The following RBPJ variants were observed in gnomAD, a reference collection of about 807,000 sequenced individuals.
The protein encoded by RBPJ is recombination signal binding protein for immunoglobulin kappa J region.
RBPJ carries 9 observed loss-of-function variants against 67.8 expected under a neutral mutation model. The observed-to-expected ratio is 0.13, with a 90% confidence interval of 0.08 to 0.23. The LOEUF (loss-of-function observed/expected upper bound fraction) is 0.23, where lower values mean the gene tolerates loss of function less well. RBPJ is among the 10% of genes least tolerant of loss of function. The pLI is 1.00. For synonymous variants in RBPJ, 198 were observed against 203.3 expected, an observed-to-expected ratio of 0.97 and a Z score of 0.22; for missense variants, 305 against 595.6, an observed-to-expected ratio of 0.51 and a Z score of 5.08.
intron 3 of RBPJ, 46 bp from the exon 4 acceptor site, chr4:26,415,429 A>G (rs1204474239): frequency 3.5e-6 from 5 of 1,413,930 alleles, no homozygotes; most frequent in South Asian, 1.3e-5. Context: ...ATTGAATCTA[A>G]TTGATTTTTG....
At chr4:26,181,949 T>G (rs1328698588) in intron 1 of RBPJ, among the ~76,000 whole-genome samples, 2 of 152,194 alleles carry the variant, frequency 1.3e-5, no homozygotes, top group African/African-American at 2.4e-5. Flanking sequence ...CACTCTAACT[T>G]AGGCTACACT....
intron 3 of RBPJ, among the ~76,000 whole-genome samples, chr4:26,407,883 CTTTTTTTTT>C (rs61575988): frequency 1.6e-5 from 1 of 63,620 alleles, no homozygotes; most frequent in Non-Finnish European, 2.8e-5. Context: ...AGCTTTCTTT[CTTTTTTTTT>C]TTTTTTTTTT....
intron 1 of RBPJ, among the ~76,000 whole-genome samples, chr4:26,252,638 A>G (rs768991456): frequency 5.9e-5 from 9 of 152,200 alleles, no homozygotes. Flanking sequence ...ACTTAAATCA[A>G]TAATAAATCT....
intron 1 of RBPJ, among the ~76,000 whole-genome samples, chr4:26,243,819 G>A (rs1485825156): frequency 6.6e-6 from 1 of 152,090 alleles, no homozygotes; most frequent in East Asian, 1.9e-4. Context: ...CCTTGGCCAG[G>A]CACAGTGGAT....
rs890591667 is a variant in RBPJ at position 26,430,323 on chromosome 4, A to T, written c.1045-96A>T. The stretch of plus-strand genomic sequence containing the variant: ...AAAAACATTTTAATTGCCCTTTTTT[A>T]AAAAAAACAAATGAAAGTTGAATGA... On this transcript the variant is annotated intron_variant, in intron 9 of 10. Coordinates refer to ENST00000355476, the MANE Select transcript of RBPJ (RefSeq NM_015874.6). The surrounding 1 kb of genome is among the most constrained non-coding windows in gnomAD (Gnocchi z 4.1). 27 of 1,109,404 alleles carry T rather than the reference A, an allele frequency of 2.4e-5. No homozygotes were observed. Among genetic ancestry groups the T allele is most frequent in the African/African-American group, 1.4e-4 (9 of 62,146 alleles). The allele number at this position is 1,109,404 out of a possible 1,614,324, so 68.7% of individuals were successfully genotyped here. A position where few individuals can be genotyped will look rare whatever the true frequency, so the allele number is the denominator to read the frequency against.
intron 2 of RBPJ, 63 bp from the exon 3 acceptor site, chr4:26,406,112 A>G (rs1457641092): frequency 1.9e-6 from 2 of 1,047,762 alleles, no homozygotes; most frequent in Admixed American, 1.8e-5. Context: ...AGAGCGTAGT[A>G]ATGATGAAAG....
At chr4:26,175,165 G>C (rs1253741522) in intron 1 of RBPJ, among the ~76,000 whole-genome samples, 1 of 152,198 alleles carries the variant, frequency 6.6e-6, no homozygotes, top group Non-Finnish European at 1.5e-5. Context: ...CTTCTACAGA[G>C]CCACGCTTTC....
rs1370905902 is a variant in RBPJ at position 26,244,252 on chromosome 4, C to CGT, written c.-167+80638_-167+80639insGT. 3.5e-3 allele frequency among the ~76,000 whole-genome samples: 5 copies of CGT among 1,416 alleles called. 1 individual carries two copies. The highest frequency in any genetic ancestry group is 0.02 in the Admixed American group (3 of 150). The allele number at this position is 1,416 out of a possible 152,430, so 0.9% of individuals were successfully genotyped here. ...ATATATGTGTCTATATATGTGTACA[C>CGT]ATACACATATGTGTACACATATATG... is the stretch of plus-strand genomic sequence containing the variant. On this transcript the variant is annotated intron_variant, in intron 1 of 4. Transcript: ENST00000512351.
chr4:26,426,459 T>C lies in RBPJ; in HGVS notation c.747+1716T>C, dbSNP rs149416755. ...AATGTTGCAATGAAAAATTAACTTA[T>C]TAGAAAAAGTTGCAGTACCATTATT... On this transcript the variant is annotated intron_variant, in intron 7 of 10. Coordinates refer to ENST00000355476, the MANE Select transcript of RBPJ (RefSeq NM_015874.6). Among the ~76,000 whole-genome samples the C allele has an allele frequency of 1.4e-3, 211 of 152,296 alleles. 1 individual carries two copies. The highest frequency in any genetic ancestry group is 4.9e-3 in the African/African-American group (204 of 41,556).
At chr4:26,357,650 A>G (rs7681183) in intron 1 of RBPJ, among the ~76,000 whole-genome samples, 1 of 152,188 alleles carries the variant, frequency 6.6e-6, no homozygotes, top group Non-Finnish European at 1.5e-5. Flanking sequence ...TCACGGTGCT[A>G]TGCAACTATC....
At chr4:26,167,076 G>T (rs76340004) in intron 1 of RBPJ, among the ~76,000 whole-genome samples, 81,638 of 151,388 alleles carry the variant, frequency 0.54, 22,264 homozygotes, top group South Asian at 0.67. Context: ...TCGATCTATA[G>T]CTCTGTTTTG....
intron 1 of RBPJ, among the ~76,000 whole-genome samples, chr4:26,195,524 C>T (rs1451227750): frequency 6.6e-6 from 1 of 152,166 alleles, no homozygotes; most frequent in Non-Finnish European, 1.5e-5. Flanking sequence ...TTACTTCTCC[C>T]CTTTCTCAGA....
chr4:26,155,375 C>T, the RBPJ span, among the ~76,000 whole-genome samples: 1 of 151,766 alleles, frequency 6.6e-6, no homozygotes, highest in Non-Finnish European at 1.5e-5. Context: ...GCCTCAGGCA[C>T]ATGCCCTCTG....
chr4:26,141,887 CCAA>C, the RBPJ span, among the ~76,000 whole-genome samples: 1 of 152,190 alleles, frequency 6.6e-6, no homozygotes, highest in South Asian at 2.1e-4. Flanking sequence ...GCCCCTTCCC[CCAA>C]AAGAAGCAAT....
chr4:26,191,278 G>A (rs565294491), intron 1 of RBPJ, among the ~76,000 whole-genome samples: 31 of 136,274 alleles, frequency 2.3e-4, no homozygotes, highest in Non-Finnish European at 3.7e-4. Flanking sequence ...GAGAGAGATC[G>A]TATCAAGTGT....
intron 1 of RBPJ, among the ~76,000 whole-genome samples, chr4:26,338,095 G>GT (rs1365688109): frequency 3.8e-4 from 51 of 135,890 alleles, no homozygotes; most frequent in East Asian, 8.9e-4. Flanking sequence ...TTTTTTTGTT[G>GT]TTTTTTTTTC....
chr4:26,135,273 C>T, the RBPJ span, among the ~76,000 whole-genome samples: 1 of 152,134 alleles, frequency 6.6e-6, no homozygotes, highest in Non-Finnish European at 1.5e-5. Flanking sequence ...CTTACCAATG[C>T]TCATAGCCCC....
At chr4:26,262,800 T>C (rs1297783214) in intron 1 of RBPJ, among the ~76,000 whole-genome samples, 1 of 152,166 alleles carries the variant, frequency 6.6e-6, no homozygotes, top group Non-Finnish European at 1.5e-5. Flanking sequence ...TCAGACACCA[T>C]AAACCTCACA....
intron 1 of RBPJ, among the ~76,000 whole-genome samples, chr4:26,205,500 C>T (rs561891776): frequency 1.3e-4 from 20 of 152,244 alleles, no homozygotes; most frequent in African/African-American, 4.1e-4. Flanking sequence ...GGGAGCTGGG[C>T]GGCATGGCAT....
Sources: gnomAD v4.1 joint callset for allele counts (sites outside exome capture counted in the v4.1 genomes callset) on GRCh38, gnomAD v4.1.1 for gene constraint, Gnocchi (gnomAD v3.1) non-coding constraint, MANE v1.5 for transcripts, NCBI Gene and HGNC (gene_info 2026-07-23, HGNC 2026-07-21) for gene names.